The following ATXN1 variants were observed in gnomAD, a reference collection of about 807,000 sequenced individuals.
ATXN1 encodes ataxin 1.
ATXN1 carries 8 observed loss-of-function variants against 56.4 expected under a neutral mutation model. The observed-to-expected ratio is 0.14, with a 90% CI of 0.08 to 0.26. The LOEUF (loss-of-function observed/expected upper bound fraction) is 0.26, where lower values mean the gene tolerates loss of function less well. Among genes scored for constraint, ATXN1 ranks in the 10% least tolerant of loss-of-function variants. ATXN1 has a pLI of 1.00. For synonymous variants in ATXN1, 514 were observed against 494.6 expected, an observed-to-expected ratio of 1.04 and a Z score of -0.52; for missense variants, 987 against 1,106.5, an observed-to-expected ratio of 0.89 and a Z score of 1.53.
chr6:16,760,330 GCCTGCCGCGGCTCCTCGTCT>G lies in ATXN1; in HGVS notation c.-730+948_-730+967del, dbSNP rs1428447547. Among the ~76,000 whole-genome samples the G allele has an allele frequency of 6.6e-6, 1 of 151,900 alleles. No individual in the cohort carries two copies. Among genetic ancestry groups the G allele is most frequent in the Admixed American group, 6.6e-5 (1 of 15,262 alleles). ...CCGTTCACTCCCGGCTCAGGGCAGCGCCTGCCGCGGCTCCTCGTCTCCTGCCGCGGGTGCTGGCGGGGGCG... is the reference window on the plus strand; with the variant it reads ...CCGTTCACTCCCGGCTCAGGGCAGCGCCTGCCGCGGGTGCTGGCGGGGGCG... On this transcript the variant is annotated intron_variant, in intron 1 of 7. Coordinates refer to ENST00000436367, the MANE Select transcript of ATXN1 (RefSeq NM_001128164.2). The surrounding 1 kb of genome is among the most constrained non-coding windows in gnomAD (Gnocchi z 5.3).
At chr6:16,588,951 T>C (rs772629352) in intron 3 of ATXN1, among the ~76,000 whole-genome samples, 1 of 152,168 alleles carries the variant, frequency 6.6e-6, no homozygotes, top group Admixed American at 6.5e-5. Context: ...CCTTGAGCTC[T>C]GACCCCAGCC....
At chr6:16,714,731 A>G (rs978117991) in intron 2 of ATXN1, among the ~76,000 whole-genome samples, 3 of 152,142 alleles carry the variant, frequency 2.0e-5, no homozygotes, top group Admixed American at 2.0e-4. Context: ...TAGAGCAAAA[A>G]AAGATACTCA....
chr6:16,433,064 T>A (rs989017298), intron 6 of ATXN1: 1 of 152,074 alleles, frequency 6.6e-6, no homozygotes, highest in African/African-American at 2.4e-5. Context: ...AGGTTATGGG[T>A]TTTGTATTAT....
intron 2 of ATXN1, among the ~76,000 whole-genome samples, chr6:16,717,600 G>A (rs1356166057): frequency 1.3e-5 from 2 of 152,210 alleles, no homozygotes; most frequent in African/African-American, 4.8e-5. Flanking sequence ...CACAGAGAGA[G>A]AATGTGCTCA....
At chr6:16,561,916 C>T (rs1762126087) in intron 4 of ATXN1, among the ~76,000 whole-genome samples, 1 of 152,152 alleles carries the variant, frequency 6.6e-6, no homozygotes, top group African/African-American at 2.4e-5. Flanking sequence ...AACACTCCCT[C>T]AGGACCTGGA....
intron 5 of ATXN1, among the ~76,000 whole-genome samples, chr6:16,505,158 C>T (rs1760959595): frequency 6.6e-6 from 1 of 152,134 alleles, no homozygotes; most frequent in African/African-American, 2.4e-5. Context: ...TTATCCCTCT[C>T]AGCTGTGGTC....
intron 6 of ATXN1, among the ~76,000 whole-genome samples, chr6:16,474,985 C>T (rs561583603): frequency 1.1e-4 from 16 of 152,124 alleles, no homozygotes; most frequent in Non-Finnish European, 2.1e-4. Flanking sequence ...TACCTATCAC[C>T]ACCTAGACAC....
chr6:16,372,640 A>T (rs2113492663), intron 6 of ATXN1, among the ~76,000 whole-genome samples: 1 of 152,356 alleles, frequency 6.6e-6, no homozygotes, highest in Admixed American at 6.5e-5. Flanking sequence ...TGGGCTGGGC[A>T]CAGTGGCTCA....
intron 2 of ATXN1, among the ~76,000 whole-genome samples, chr6:16,685,865 A>G (rs1758907082): frequency 6.6e-6 from 1 of 152,268 alleles, no homozygotes; most frequent in Non-Finnish European, 1.5e-5. Flanking sequence ...AGCAGAAAGC[A>G]CTGACTTTAG....
At chr6:16,730,504 T>TATATATATATATATATATATATAG (rs1561826415) in intron 2 of ATXN1, among the ~76,000 whole-genome samples, 1 of 147,276 alleles carries the variant, frequency 6.8e-6, no homozygotes. Flanking sequence ...TATATATATA[T>TATATATATATATATATATATATAG]ATAAATGTAT....
chr6:16,658,386 A>T (rs2073516), intron 2 of ATXN1, among the ~76,000 whole-genome samples: 197 of 152,212 alleles, frequency 1.3e-3, no homozygotes, highest in African/African-American at 4.3e-3. Flanking sequence ...AAGATAAAGC[A>T]TAAGAGAGAG....
chr6:16,526,047 A>C (rs1280586459), intron 4 of ATXN1, among the ~76,000 whole-genome samples: 2 of 119,824 alleles, frequency 1.7e-5, no homozygotes, highest in Non-Finnish European at 3.5e-5. Flanking sequence ...AAATCTATAT[A>C]TATATATATA....
chr6:16,564,607 G>A (rs1039011390), intron 4 of ATXN1, among the ~76,000 whole-genome samples: 12 of 152,254 alleles, frequency 7.9e-5, no homozygotes, highest in African/African-American at 2.9e-4. Context: ...GTCAGTCACA[G>A]AAGTCCGCAT....
At chr6:16,752,273 T>C (rs1760745791) in intron 2 of ATXN1, among the ~76,000 whole-genome samples, 2 of 152,210 alleles carry the variant, frequency 1.3e-5, no homozygotes, top group Admixed American at 6.5e-5. Context: ...CAACTAAGTC[T>C]ACAGAACATA....
At chr6:16,492,580 CTT>C (rs1554110438) in intron 5 of ATXN1, among the ~76,000 whole-genome samples, 1 of 148,528 alleles carries the variant, frequency 6.7e-6, no homozygotes, top group Non-Finnish European at 1.5e-5. Flanking sequence ...GCTTGAATCA[CTT>C]TGAGTTTAAT....
chr6:16,698,830 T>C (rs562132282), intron 2 of ATXN1, among the ~76,000 whole-genome samples: 37 of 152,262 alleles, frequency 2.4e-4, no homozygotes, highest in African/African-American at 7.7e-4. Context: ...TCTGTAAAAT[T>C]AGAACATTAG....
chr6:16,346,596 G>A (rs898174879), intron 6 of ATXN1, among the ~76,000 whole-genome samples: 3 of 152,172 alleles, frequency 2.0e-5, no homozygotes, highest in Non-Finnish European at 2.9e-5. Context: ...ATGTTAGACC[G>A]GGCTAACTGG....
chr6:16,612,677 G>A (rs1393399448), intron 3 of ATXN1, among the ~76,000 whole-genome samples: 1 of 151,866 alleles, frequency 6.6e-6, no homozygotes, highest in East Asian at 1.9e-4. Flanking sequence ...CAGATCACGA[G>A]GTCAAGAGAT....
At chr6:16,548,366 G>A (rs1183746172) in intron 4 of ATXN1, among the ~76,000 whole-genome samples, 2 of 152,176 alleles carry the variant, frequency 1.3e-5, no homozygotes, top group Admixed American at 6.5e-5. Flanking sequence ...GTACACTACT[G>A]CAGACTTTAT....
Sources: gnomAD v4.1 joint callset for allele counts (sites outside exome capture counted in the v4.1 genomes callset) on GRCh38, gnomAD v4.1.1 for gene constraint, Gnocchi (gnomAD v3.1) non-coding constraint, MANE v1.5 for transcripts, NCBI Gene and HGNC (gene_info 2026-07-23, HGNC 2026-07-21) for gene names.